Variants in TOGARAM2 observed in about 807,000 individuals in gnomAD.
TOGARAM2 encodes TOG array regulator of axonemal microtubules protein 2.
Under a neutral mutation model 93.3 loss-of-function variants are expected in TOGARAM2, and 85 were observed. That is an observed-to-expected ratio of 0.91 (90% CI 0.76 to 1.09). TOGARAM2 has a LOEUF of 1.09. TOGARAM2 is among the 50% of genes least tolerant of loss of function. The pLI, the probability that TOGARAM2 is intolerant of heterozygous loss-of-function variation, is 0.00. For synonymous variants in TOGARAM2, 593 were observed against 552.8 expected, an observed-to-expected ratio of 1.07 and a Z score of -1.02; for missense variants, 1,277 against 1,334.5, an observed-to-expected ratio of 0.96 and a Z score of 0.67.
chr2:29,017,866 A>G lies in TOGARAM2; in HGVS notation c.1270A>G (p.Ser424Gly), dbSNP rs2148336368. The change falls in exon 10 of 20, where the codon AGC (serine) becomes GGC (glycine). Residue 424 changes from serine (S) to glycine (G), a missense_variant. Ser to Gly is a moderately conservative substitution (Grantham distance 56). Transcript: ENST00000379558. ...GAGCGGCCCATGCAGAAACGACGTC[A>G]GCATCATCCTGAGGAAGTGGGCCAG... ...RLSGPCRNDV[S>G]IILRKWASRA... 1 of 1,613,616 alleles carries G rather than the reference A, an allele frequency of 6.2e-7. No homozygotes were observed. The highest frequency in any genetic ancestry group is 2.2e-5 in the East Asian group (1 of 44,852).
chr2:28,966,018 C>T (rs1479969147), intron 1 of TOGARAM2, among the ~76,000 whole-genome samples: 1 of 151,946 alleles, frequency 6.6e-6, no homozygotes, highest in Non-Finnish European at 1.5e-5. Context: ...AGAGGGCTCA[C>T]TTAGCTTATT....
chr2:29,052,227 C>T lies in TOGARAM2; in HGVS notation c.*134C>T, dbSNP rs1361942162. On this transcript the variant is annotated 3_prime_UTR_variant, in exon 20 of 20. Transcript: ENST00000379558. ...AGAAATAAAAGAATTACTTATTTTT[C>T]TAAGGTTTTATTATCTTGTACTTTT... 14 of 803,200 alleles carry T rather than the reference C, an allele frequency of 1.7e-5. No homozygotes were observed. Among genetic ancestry groups the T allele is most frequent in the Non-Finnish European group, 2.5e-5 (14 of 551,750 alleles). The allele number at this position is 803,200 out of a possible 1,614,324, so 49.8% of individuals were successfully genotyped here.
chr2:28,959,469 A>G (rs916531371), intron 1 of TOGARAM2, among the ~76,000 whole-genome samples: 9 of 152,174 alleles, frequency 5.9e-5, no homozygotes, highest in Admixed American at 3.3e-4. Flanking sequence ...AAAGAATAGT[A>G]TAGGCCGGGT....
At chr2:28,962,804 T>A (rs1572615040) in intron 1 of TOGARAM2, among the ~76,000 whole-genome samples, 1 of 96,488 alleles carries the variant, frequency 1.0e-5, no homozygotes, top group Admixed American at 1.5e-4. Flanking sequence ...TCCCCTTCCC[T>A]CCCCTTCCCT....
chr2:29,033,306 C>T, intron 15 of TOGARAM2, 163 bp from the exon 16 acceptor site: 1 of 729,854 alleles, frequency 1.4e-6, no homozygotes. Flanking sequence ...GGATCTTGAT[C>T]TCTGCCCCAG....
In TOGARAM2 at chr2:28,999,314, C is replaced by A; in HGVS notation, c.273C>A (p.Pro91=). The part of the protein sequence containing the change: ...SKGWQARNGH[P]RNLRALSLGD... ...GCTGGCAGGCAAGGAATGGTCACCC[C>A]AGGAACCTCAGGGCCTTGTCTTTGG... Residue 91 remains proline (P), a synonymous_variant, in exon 4 of 20, where the codon CCC becomes CCA. Transcript: ENST00000379558. 1 of 1,613,868 alleles carries A rather than the reference C, an allele frequency of 6.2e-7. No homozygotes were observed. Among genetic ancestry groups the A allele is most frequent in the Non-Finnish European group, 8.5e-7 (1 of 1,179,844 alleles).
At chr2:28,977,746 C>G (rs1055565296), upstream of TOGARAM2, among the ~76,000 whole-genome samples, 1 of 151,816 alleles carries the variant, frequency 6.6e-6, no homozygotes, top group Admixed American at 6.6e-5. Context: ...AGGAGAGGGG[C>G]GGGCAGTTAC....
intron 15 of TOGARAM2, 108 bp downstream of exon 15, chr2:29,033,159 A>T: frequency 2.3e-6 from 2 of 875,084 alleles, no homozygotes; most frequent in Admixed American, 4.6e-5. Context: ...GATTCCAGAG[A>T]TGTTGATTTC....
intron 2 of TOGARAM2, among the ~76,000 whole-genome samples, chr2:28,995,324 G>A (rs1219467138): frequency 1.3e-5 from 2 of 152,212 alleles, no homozygotes; most frequent in Non-Finnish European, 2.9e-5. Flanking sequence ...AGCTGGCTGG[G>A]TGAGCCTCAG....
intron 4 of TOGARAM2, among the ~76,000 whole-genome samples, chr2:28,999,755 C>T (rs1203597349): frequency 1.3e-5 from 2 of 152,362 alleles, no homozygotes; most frequent in South Asian, 4.1e-4. Flanking sequence ...CTTCCCATTT[C>T]CACCAACTAT....
intron 1 of TOGARAM2, among the ~76,000 whole-genome samples, chr2:28,973,005 C>T (rs1432786640): frequency 6.6e-6 from 1 of 152,216 alleles, no homozygotes; most frequent in African/African-American, 2.4e-5. Context: ...GGTTATCCAA[C>T]CACTGGCAGA....
chr2:29,010,028 GGTGTGTGTGTGT>G (rs56239245), intron 6 of TOGARAM2, among the ~76,000 whole-genome samples: 3 of 148,660 alleles, frequency 2.0e-5, no homozygotes, highest in South Asian at 2.1e-4. Flanking sequence ...GCTCAGAGCA[GGTGTGTGTGTGT>G]GTGTGTGTGT....
rs148928172 is a variant in TOGARAM2 at position 28,991,782 on chromosome 2, A to T, written c.-110-2943A>T. Among the ~76,000 whole-genome samples, 309 of 152,152 alleles carry T rather than the reference A, an allele frequency of 2.0e-3. 1 individual carries two copies. Among genetic ancestry groups the T allele is most frequent in the African/African-American group, 7.2e-3 (300 of 41,492 alleles). On this transcript the variant is annotated intron_variant, in intron 1 of 19. Transcript: ENST00000379558. The stretch of plus-strand genomic sequence containing the variant: ...CTAGCTTTTGTTCCCTTTCCACTTG[A>T]CACTTGAGTCCCCTGTGTCACCTTT...
chr2:29,033,688 TG>T (rs1665916931), intron 16 of TOGARAM2, 125 bp downstream of exon 16: 2 of 797,966 alleles, frequency 2.5e-6, no homozygotes, highest in East Asian at 2.8e-5. Flanking sequence ...GAGACCTAGT[TG>T]GGGCTGCAAT....
chr2:28,991,025 TG>T lies in TOGARAM2; in HGVS notation c.-110-3699del, dbSNP rs1558406545. On this transcript the variant is annotated intron_variant, in intron 1 of 19. Transcript: ENST00000379558. ...GTGTGTGTGTGTGTGTGTGTGTGTG[TG>T]TGTGTGTGTGTGTGGCTTTTCCCCA... Among the ~76,000 whole-genome samples, 537 of 150,898 alleles carry T rather than the reference TG, an allele frequency of 3.6e-3. 6 individuals carry two copies. Among genetic ancestry groups the T allele is most frequent in the African/African-American group, 0.012 (491 of 40,986 alleles).
rs866742560 is a variant in TOGARAM2, at chr2:28,994,834, C to T, written c.-1C>T. 6.4e-7 allele frequency: 1 copy of T among 1,552,440 alleles called. No homozygotes were observed. Among genetic ancestry groups the T allele is most frequent in the African/African-American group, 1.4e-5 (1 of 73,202 alleles). On this transcript the variant is annotated 5_prime_UTR_variant, in exon 2 of 20. Transcript: ENST00000379558. ...TTGTAGGCACCTTCTCCACCCAGGACATGGGCACCCGTGACGATGTCCCCG... is the reference window on the plus strand; with the variant it reads ...TTGTAGGCACCTTCTCCACCCAGGATATGGGCACCCGTGACGATGTCCCCG...
chr2:28,972,718 G>C (rs536688506), intron 1 of TOGARAM2, among the ~76,000 whole-genome samples: 1 of 152,174 alleles, frequency 6.6e-6, no homozygotes. Flanking sequence ...GGAATAGAAC[G>C]TAGGCTCCAC....
At chr2:29,014,356 T>C (rs1005120823) in intron 7 of TOGARAM2, 39 bp from the exon 8 acceptor site, 1 of 1,596,874 alleles carries the variant, frequency 6.3e-7, no homozygotes. Flanking sequence ...AGCAGTGACC[T>C]GGGTGTCTTC....
chr2:28,989,412 TC>T (rs1427761829), intron 1 of TOGARAM2, among the ~76,000 whole-genome samples: 9 of 151,224 alleles, frequency 6.0e-5, no homozygotes, highest in African/African-American at 1.5e-4. Context: ...CCTTTTTTTT[TC>T]TTTTTTGAGA....
Sources: gnomAD v4.1 joint callset for allele counts (sites outside exome capture counted in the v4.1 genomes callset) on GRCh38, gnomAD v4.1.1 for gene constraint, MANE v1.5 for transcripts, NCBI Gene and HGNC (gene_info 2026-07-23, HGNC 2026-07-21) for gene names.